POU2AF2: variants seen among roughly 807,000 people sequenced by gnomAD.
The protein encoded by POU2AF2 is POU class 2 homeobox associating factor 2.
the POU2AF2 span, among the ~76,000 whole-genome samples, chr11:111,250,062 A>C: frequency 6.6e-6 from 1 of 152,008 alleles, no homozygotes; most frequent in African/African-American, 2.4e-5. Flanking sequence ...TTATTTTATC[A>C]TGTCACCACA....
At chr11:111,272,552 A>G in the POU2AF2 span, among the ~76,000 whole-genome samples, 99 of 152,328 alleles carry the variant, frequency 6.5e-4, no homozygotes, top group South Asian at 1.2e-3. Context: ...ACACACTAAC[A>G]TATGTAAAGT....
the POU2AF2 span, among the ~76,000 whole-genome samples, chr11:111,256,706 G>C: frequency 6.6e-6 from 1 of 152,204 alleles, no homozygotes; most frequent in African/African-American, 2.4e-5. Context: ...GGCGCGCCAG[G>C]AGCTCTGTGA....
the POU2AF2 span, among the ~76,000 whole-genome samples, chr11:111,251,542 G>T: frequency 1.3e-5 from 2 of 152,244 alleles, no homozygotes; most frequent in African/African-American, 4.8e-5. Context: ...ATCTCCAATT[G>T]TACTCATTCC....
At chr11:111,272,567 G>T in the POU2AF2 span, among the ~76,000 whole-genome samples, 1 of 152,192 alleles carries the variant, frequency 6.6e-6, no homozygotes, top group Non-Finnish European at 1.5e-5. Context: ...TAAAGTGCCA[G>T]ACACAGAGTC....
the POU2AF2 span, among the ~76,000 whole-genome samples, chr11:111,249,260 G>A: frequency 2.0e-5 from 3 of 152,146 alleles, no homozygotes; most frequent in African/African-American, 4.8e-5. Context: ...GGAAAAAAAT[G>A]TTTTGGAGTA....
At chr11:111,281,276 A>G in the POU2AF2 span, 1 of 727,730 alleles carries the variant, frequency 1.4e-6, no homozygotes, top group African/African-American at 1.8e-5. Context: ...CTGAGGGTCA[A>G]CCCAACTCCC....
chr11:111,256,882 T>A, the POU2AF2 span, among the ~76,000 whole-genome samples: 1 of 152,192 alleles, frequency 6.6e-6, no homozygotes, highest in Non-Finnish European at 1.5e-5. Flanking sequence ...TTAAAAAAAA[T>A]CTTCTGTGTA....
chr11:111,276,804 C>G, the POU2AF2 span, among the ~76,000 whole-genome samples: 6 of 148,346 alleles, frequency 4.0e-5, no homozygotes, highest in African/African-American at 1.5e-4. Flanking sequence ...TATTATCTTT[C>G]AAATACAAAG....
At chr11:111,264,431 G>A in the POU2AF2 span, among the ~76,000 whole-genome samples, 4 of 151,542 alleles carry the variant, frequency 2.6e-5, no homozygotes, top group African/African-American at 7.3e-5. Context: ...GGGAGGCGGA[G>A]GTTGCAGTGA....
chr11:111,276,439 G>GAAAAAAAAAAA, the POU2AF2 span, among the ~76,000 whole-genome samples: 4 of 44,442 alleles, frequency 9.0e-5, no homozygotes, highest in Admixed American at 2.8e-4. Flanking sequence ...CTACTAAAAA[G>GAAAAAAAAAAA]AAAAAAAAAA....
chr11:111,268,463 G>C, the POU2AF2 span, among the ~76,000 whole-genome samples: 2 of 135,074 alleles, frequency 1.5e-5, no homozygotes, highest in Non-Finnish European at 1.6e-5. Context: ...ATTGGTTATT[G>C]CTACATTTTT....
the POU2AF2 span, among the ~76,000 whole-genome samples, chr11:111,253,693 A>C: frequency 6.6e-6 from 1 of 152,260 alleles, no homozygotes; most frequent in South Asian, 2.1e-4. Context: ...AATCAAACCA[A>C]CATCACTGTC....
chr11:111,271,603 T>C, the POU2AF2 span, among the ~76,000 whole-genome samples: 1 of 152,050 alleles, frequency 6.6e-6, no homozygotes. Context: ...TTTTATTTTT[T>C]GTGGAGATGG....
the POU2AF2 span, among the ~76,000 whole-genome samples, chr11:111,282,334 T>C: frequency 1.3e-5 from 2 of 152,218 alleles, no homozygotes; most frequent in African/African-American, 2.4e-5. Flanking sequence ...TTTATTTATA[T>C]TAAGGTTCAG....
At chr11:111,269,459 A>T in the POU2AF2 span, among the ~76,000 whole-genome samples, 1 of 152,130 alleles carries the variant, frequency 6.6e-6, no homozygotes, top group Non-Finnish European at 1.5e-5. Context: ...TTAAAATAAT[A>T]ATAAAGGCAA....
chr11:111,281,394 C>T, the POU2AF2 span: 1 of 1,609,950 alleles, frequency 6.2e-7, no homozygotes, highest in Admixed American at 1.7e-5. Context: ...TGTTTACCTT[C>T]CAGGGCAGCG....
chr11:111,275,750 C>T, the POU2AF2 span, among the ~76,000 whole-genome samples: 1 of 152,108 alleles, frequency 6.6e-6, no homozygotes, highest in Non-Finnish European at 1.5e-5. Context: ...ATACATAACA[C>T]TTAATACATA....
the POU2AF2 span, chr11:111,284,031 C>T: frequency 6.3e-7 from 1 of 1,584,786 alleles, no homozygotes; most frequent in African/African-American, 1.3e-5. Context: ...GCCTTGACCG[C>T]CCTGGGAGGA....
the POU2AF2 span, among the ~76,000 whole-genome samples, chr11:111,256,802 G>A: frequency 6.6e-6 from 1 of 152,166 alleles, no homozygotes; most frequent in Non-Finnish European, 1.5e-5. Context: ...GGATTACCAA[G>A]GGCTTGGTTG....
Sources: gnomAD v4.1 joint callset for allele counts (sites outside exome capture counted in the v4.1 genomes callset) on GRCh38, gnomAD v4.1.1 for gene constraint, MANE v1.5 for transcripts, NCBI Gene and HGNC (gene_info 2026-07-23, HGNC 2026-07-21) for gene names.